GDPD4: variants seen among roughly 807,000 people sequenced by gnomAD.
The protein encoded by GDPD4 is glycerophosphodiester phosphodiesterase domain containing 4.
A neutral mutation model predicts 67.8 loss-of-function variants in GDPD4; 60 were observed. The observed-to-expected ratio is 0.88, with a 90% confidence interval of 0.72 to 1.10. The LOEUF (loss-of-function observed/expected upper bound fraction) is 1.10, where lower values mean the gene tolerates loss of function less well. GDPD4 is among the 50% of genes least tolerant of loss of function. The probability of loss-of-function intolerance (pLI) is 0.00; values close to 1 mark genes in which losing one functional copy is unlikely to be tolerated. For synonymous variants in GDPD4, 212 were observed against 210.9 expected, an observed-to-expected ratio of 1.00 and a Z score of -0.04; for missense variants, 623 against 613.9, an observed-to-expected ratio of 1.01 and a Z score of -0.16.
At chr11:77,223,838 G>A (rs920378992) in intron 16 of GDPD4, among the ~76,000 whole-genome samples, 27 of 152,258 alleles carry the variant, frequency 1.8e-4, no homozygotes, top group Middle Eastern at 3.4e-3. Flanking sequence ...CTTGAGCTCC[G>A]GTGGGCTCCA....
chr11:77,258,691 G>C, intron 10 of GDPD4, 149 bp from the exon 11 acceptor site: 2 of 653,954 alleles, frequency 3.1e-6, no homozygotes, highest in Non-Finnish European at 5.4e-6. Flanking sequence ...CTACATATCA[G>C]TCATTTACAC....
chr11:77,226,513 G>A lies in GDPD4; in HGVS notation c.1525+1351C>T, dbSNP rs557010752. 5.3e-4 allele frequency among the ~76,000 whole-genome samples: 80 copies of A among 152,264 alleles called. 1 individual carries two copies. The South Asian group carries it at 0.016, about 31-fold the overall frequency. On this transcript the variant is annotated intron_variant, in intron 16 of 16. Coordinates refer to ENST00000315938, the MANE Select transcript of GDPD4 (RefSeq NM_182833.3). The stretch of plus-strand genomic sequence containing the variant: ...GCTGCATTCAAGCTAAGAAGACAGT[G>A]CTCACTAGGGCTCCTCACCAAATTT...
intron 13 of GDPD4, among the ~76,000 whole-genome samples, chr11:77,233,446 GAA>G (rs34507126): frequency 0.29 from 29,350 of 100,180 alleles, 4,165 homozygotes; most frequent in South Asian, 0.47. Flanking sequence ...AAAACATATT[GAA>G]AAAAAAAAAA....
chr11:77,240,256 TAATC>T (rs1269922744), intron 13 of GDPD4, among the ~76,000 whole-genome samples: 2 of 152,188 alleles, frequency 1.3e-5, no homozygotes, highest in Non-Finnish European at 2.9e-5. Context: ...AAAGATGTGA[TAATC>T]AAAACAGCAT....
At chr11:77,285,222 A>G (rs1959945638) in intron 2 of GDPD4, 35 bp from the exon 3 acceptor site, 2 of 1,095,452 alleles carry the variant, frequency 1.8e-6, no homozygotes, top group African/African-American at 1.6e-5. Flanking sequence ...ACTTAGCTCC[A>G]TTTATCCTTG....
chr11:77,274,358 G>A (rs1009402587), intron 5 of GDPD4, among the ~76,000 whole-genome samples: 5 of 152,150 alleles, frequency 3.3e-5, no homozygotes, highest in African/African-American at 9.7e-5. Flanking sequence ...CACCAATACT[G>A]GAGGTGGGCA....
intron 10 of GDPD4, among the ~76,000 whole-genome samples, chr11:77,266,555 GC>G (rs756669227): frequency 7.2e-5 from 11 of 152,058 alleles, no homozygotes; most frequent in Non-Finnish European, 1.3e-4. Flanking sequence ...ATGTAAAACA[GC>G]CTCAGGTAGT....
chr11:77,218,043 T>C (rs1958157318), intron 16 of GDPD4, among the ~76,000 whole-genome samples: 1 of 152,042 alleles, frequency 6.6e-6, no homozygotes, highest in Non-Finnish European at 1.5e-5. Flanking sequence ...AAGCTTTTTT[T>C]TTAACCTGAG....
chr11:77,285,319 T>C, intron 2 of GDPD4, 132 bp from the exon 3 acceptor site: 1 of 585,252 alleles, frequency 1.7e-6, no homozygotes, highest in Non-Finnish European at 3.0e-6. Flanking sequence ...GAGTGATCAC[T>C]CTCTTCTTTT....
chr11:77,227,731 T>C (rs1958370375), intron 16 of GDPD4, 133 bp downstream of exon 16: 2 of 612,698 alleles, frequency 3.3e-6, no homozygotes, highest in South Asian at 1.7e-5. Context: ...CTTCCCCTGG[T>C]CCCTCCCCCA....
intron 11 of GDPD4, among the ~76,000 whole-genome samples, chr11:77,253,290 A>C (rs974583656): frequency 2.0e-5 from 3 of 152,212 alleles, no homozygotes; most frequent in Non-Finnish European, 4.4e-5. Context: ...AACAGGGCTC[A>C]GTGGCAGCTT....
At position 77,271,288 on chromosome 11, in the gene GDPD4, T is replaced by C. The variant is rs200220490; in HGVS notation, c.306+7A>G. ...AGCTAGTGCTGGAGCTATAGGATGATGCTTACCTGCATTGACAGCCCAGCT... is the reference window on the plus strand; with the variant it reads ...AGCTAGTGCTGGAGCTATAGGATGACGCTTACCTGCATTGACAGCCCAGCT... On this transcript the variant is annotated splice_region_variant and intron_variant, in intron 6 of 16. Coordinates refer to ENST00000315938, the MANE Select transcript of GDPD4 (RefSeq NM_182833.3). The C allele has an allele frequency of 1.2e-6, 2 of 1,611,680 alleles. No individual in the cohort carries two copies. The highest frequency in any genetic ancestry group is 2.7e-5 in the African/African-American group (2 of 74,986).
intron 4 of GDPD4, among the ~76,000 whole-genome samples, chr11:77,278,134 C>G (rs2135881322): frequency 6.6e-6 from 1 of 152,230 alleles, no homozygotes; most frequent in Admixed American, 6.5e-5. Flanking sequence ...TTTACATTTG[C>G]TGAGGAGTGC....
chr11:77,216,691 C>T lies in GDPD4; in HGVS notation c.*586G>A. 2 of 550,648 alleles carry T rather than the reference C, an allele frequency of 3.6e-6. No homozygotes were observed. The highest frequency in any genetic ancestry group is 2.3e-5 in the South Asian group (1 of 44,336). 34.1% of individuals were successfully genotyped at this position (550,648 alleles called of 1,614,324 possible). Reference sequence around the variant, plus strand: ...CACAGCAGTTTTCCCCTTGCCTAGCCCCTTGAGATGCATTCTTGATAGCGA... The same window carrying T: ...CACAGCAGTTTTCCCCTTGCCTAGCTCCTTGAGATGCATTCTTGATAGCGA... On this transcript the variant is annotated 3_prime_UTR_variant, in exon 17 of 17. Coordinates refer to ENST00000315938, the MANE Select transcript of GDPD4 (RefSeq NM_182833.3).
chr11:77,271,427 A>G (rs1340517556), intron 5 of GDPD4, 34 bp from the exon 6 acceptor site: 3 of 1,322,652 alleles, frequency 2.3e-6, no homozygotes, highest in African/African-American at 2.9e-5. Flanking sequence ...CCTGACTTCA[A>G]GCACTAGGCT....
intron 11 of GDPD4, among the ~76,000 whole-genome samples, chr11:77,250,882 T>A (rs942444251): frequency 8.5e-5 from 13 of 152,226 alleles, no homozygotes; most frequent in Admixed American, 8.5e-4. Flanking sequence ...TCTTGGTGAA[T>A]TGATCACTTT....
chr11:77,241,399 G>A (rs902859739), intron 13 of GDPD4, among the ~76,000 whole-genome samples: 3 of 152,118 alleles, frequency 2.0e-5, no homozygotes, highest in East Asian at 1.9e-4. Flanking sequence ...AGTGGGGTAC[G>A]GTGGCTCACA....
chr11:77,223,983 C>T (rs561419624), intron 16 of GDPD4, among the ~76,000 whole-genome samples: 5 of 152,298 alleles, frequency 3.3e-5, no homozygotes, highest in East Asian at 1.9e-4. Context: ...GCTCTGTGGG[C>T]GTGGGACCTG....
chr11:77,246,999 C>CT (rs1958795251), intron 11 of GDPD4, among the ~76,000 whole-genome samples: 1 of 152,216 alleles, frequency 6.6e-6, no homozygotes, highest in South Asian at 2.1e-4. Flanking sequence ...AGTAATCTCT[C>CT]TTTTTCTCTA....
Sources: allele counts gnomAD v4.1 joint callset (sites outside exome capture counted in the v4.1 genomes callset), GRCh38; gene constraint gnomAD v4.1.1; transcripts MANE v1.5; gene names NCBI Gene and HGNC (gene_info 2026-07-23, HGNC 2026-07-21).